RGL3: variants seen among roughly 807,000 people sequenced by gnomAD.
RGL3 encodes the protein ral guanine nucleotide dissociation stimulator like 3.
In RGL3, 85 loss-of-function variants were observed where a neutral mutation model predicts 90.6. That is an observed-to-expected ratio of 0.94 (90% CI 0.79 to 1.12). The LOEUF (loss-of-function observed/expected upper bound fraction) is 1.12. Among genes scored for constraint, RGL3 ranks in the 50% most tolerant of loss-of-function variants. The pLI, the probability that RGL3 is intolerant of heterozygous loss-of-function variation, is 0.00. For missense variants in RGL3, 1,034 were observed against 939.2 expected, an observed-to-expected ratio of 1.10 and a Z score of -1.32; for synonymous variants, 408 against 385.5, an observed-to-expected ratio of 1.06 and a Z score of -0.68.
chr19:11,413,400 T>G (rs1968905086), intron 5 of RGL3, among the ~76,000 whole-genome samples: 1 of 151,586 alleles, frequency 6.6e-6, no homozygotes. Flanking sequence ...CTGGGTGTGG[T>G]GGCAGGTGCC....
chr19:11,400,024 C>G lies in RGL3; in HGVS notation c.1649+16G>C, dbSNP rs765170967. ...ATCCCATGATCCCCAGTCCCATCAC[C>G]AAGCAGAATGCTCACCTGGAGGTGG... On this transcript the variant is annotated intron_variant, in intron 15 of 18. Transcript: ENST00000380456. The G allele has an allele frequency of 4.3e-5, 69 of 1,602,844 alleles. No individual in the cohort carries two copies. The highest frequency in any genetic ancestry group is 5.5e-5 in the Non-Finnish European group (65 of 1,176,484).
Position 11,406,494 on chromosome 19 carries a change from AC to A in RGL3, c.920del (p.Gly307ValfsTer59). On this transcript the variant is annotated frameshift_variant, in exon 7 of 19. Transcript: ENST00000380456. LOFTEE classifies it high-confidence loss of function. The stretch of plus-strand genomic sequence containing the variant: ...CCAAGCCCGGTGCTCCGAGCACGGA[AC>A]CCAGCACACAGCCGGTCACGGTGTT... ...QFNTVTGCVLGSVLGAPGLAA... is the reference protein window; with the variant it reads ...QFNTVTGCVLXSVLGAPGLAA... 1 of 1,555,302 alleles carries A rather than the reference AC, an allele frequency of 6.4e-7. No individual in the cohort carries two copies. The highest frequency in any genetic ancestry group is 8.7e-7 in the Non-Finnish European group (1 of 1,152,276).
chr19:11,416,198 G>T, intron 4 of RGL3, 50 bp from the exon 5 acceptor site: 312 of 1,011,582 alleles, frequency 3.1e-4, no homozygotes, highest in Non-Finnish European at 4.1e-4. Context: ...GGGGGACATA[G>T]AATATGACTC....
chr19:11,401,370 C>T (rs541522538), intron 13 of RGL3, among the ~76,000 whole-genome samples: 2 of 151,216 alleles, frequency 1.3e-5, no homozygotes, highest in Admixed American at 6.6e-5. Flanking sequence ...TTGGGACCAA[C>T]GGCACTCAAC....
intron 2 of RGL3, among the ~76,000 whole-genome samples, chr19:11,417,980 A>C (rs1490863370): frequency 6.6e-6 from 1 of 152,050 alleles, no homozygotes; most frequent in Non-Finnish European, 1.5e-5. Flanking sequence ...GGGCATCATC[A>C]CGCACAGCTA....
chr19:11,400,236 G>A lies in RGL3; in HGVS notation c.1546C>T (p.Arg516Ter), dbSNP rs753736757. Residue 516 changes from arginine to a stop codon, truncating the protein, a stop_gained, in exon 14 of 19, where the codon CGA becomes TGA. Coordinates refer to ENST00000380456, the MANE Select transcript of RGL3 (RefSeq NM_001035223.4). LOFTEE classifies it high-confidence loss of function. ...AASCPSSPRI[R>*]RRISLTKRLS... is the part of the protein sequence containing the mutation. ...CGCTTGGTGAGGCTGATCCGCCGTC[G>A]GATGCGTGGGGAGCTGGGGCAGGAG... 3.1e-5 allele frequency: 50 copies of A among 1,598,246 alleles called. No homozygotes were observed. Among genetic ancestry groups the A allele is most frequent in the African/African-American group, 4.0e-5 (3 of 74,340 alleles).
chr19:11,408,442 C>T (rs1968819132), intron 5 of RGL3, among the ~76,000 whole-genome samples: 5 of 152,064 alleles, frequency 3.3e-5, no homozygotes, highest in Non-Finnish European at 4.4e-5. Flanking sequence ...AAAAATTAGC[C>T]GGGCGTGATG....
chr19:11,406,350 C>T (rs760041514), intron 7 of RGL3, 69 bp downstream of exon 7: 3 of 1,421,974 alleles, frequency 2.1e-6, no homozygotes, highest in South Asian at 1.3e-5. Context: ...TATCTCTCTC[C>T]GGAGCCCTCA....
rs1467565352 is a variant in RGL3 at position 11,394,519 on chromosome 19, C to T, written c.2016G>A (p.Val672=). Reference sequence around the variant, plus strand: ...CGTTGGCATTGTCAGGAATCAGGAGCACTGGTCAGGAGTGGAGATGGTGGT... The same window carrying T: ...CGTTGGCATTGTCAGGAATCAGGAGTACTGGTCAGGAGTGGAGATGGTGGT... The part of the protein sequence containing the change: ...QLFQVLPGDR[V]LLIPDNANVF... The change falls in exon 19 of 19, where the codon GTG becomes GTA. Residue 672 remains valine (V), a splice_region_variant and synonymous_variant. Transcript: ENST00000380456. 6.2e-7 allele frequency: 1 copy of T among 1,611,486 alleles called. No homozygotes were observed. Among genetic ancestry groups the T allele is most frequent in the East Asian group, 2.2e-5 (1 of 44,846 alleles).
intron 5 of RGL3, among the ~76,000 whole-genome samples, chr19:11,413,483 C>T (rs936664274): frequency 2.9e-5 from 4 of 140,150 alleles, no homozygotes; most frequent in East Asian, 2.2e-4. Context: ...TGCAGTGTGC[C>T]GAGATGGCGC....
At chr19:11,415,632 C>T (rs941627504) in intron 5 of RGL3, among the ~76,000 whole-genome samples, 2 of 152,076 alleles carry the variant, frequency 1.3e-5, no homozygotes, top group Non-Finnish European at 2.9e-5. Flanking sequence ...TGCCCCACCA[C>T]GCCCGGCTAA....
At chr19:11,401,662 A>G (rs997082670) in intron 13 of RGL3, among the ~76,000 whole-genome samples, 30 of 151,818 alleles carry the variant, frequency 2.0e-4, no homozygotes, top group Admixed American at 2.0e-4. Context: ...CGGCCTCCCA[A>G]AGTGCTGGGA....
At chr19:11,414,484 C>CCTTCATATATATACATATATATAT (rs1968949069) in intron 5 of RGL3, among the ~76,000 whole-genome samples, 1 of 42,208 alleles carries the variant, frequency 2.4e-5, no homozygotes, top group African/African-American at 1.3e-4. Flanking sequence ...TATATATATA[C>CCTTCATATATATACATATATATAT]ACCTTCATAT....
chr19:11,407,656 T>C (rs1445675946), intron 5 of RGL3, among the ~76,000 whole-genome samples: 1 of 151,626 alleles, frequency 6.6e-6, no homozygotes, highest in Admixed American at 6.6e-5. Context: ...ACTAGCTTGC[T>C]GTGTAGAGCA....
chr19:11,404,802 ACTTT>A (rs1968739807), intron 9 of RGL3, among the ~76,000 whole-genome samples: 1 of 152,170 alleles, frequency 6.6e-6, no homozygotes, highest in South Asian at 2.1e-4. Flanking sequence ...AATAAGCCAG[ACTTT>A]TGACACACAT....
chr19:11,401,191 G>C (rs1968668825), intron 13 of RGL3, among the ~76,000 whole-genome samples: 1 of 151,414 alleles, frequency 6.6e-6, no homozygotes, highest in Admixed American at 6.6e-5. Flanking sequence ...AAAATCAGAT[G>C]GGGTTGAAAT....
intron 7 of RGL3, 113 bp from the exon 8 acceptor site, chr19:11,405,539 T>TC: frequency 1.2e-6 from 1 of 815,896 alleles, no homozygotes; most frequent in Non-Finnish European, 1.8e-6. Context: ...TTTTTTTTTT[T>TC]GAGAGATAGG....
chr19:11,397,234 C>T lies in RGL3; in HGVS notation c.2014+10G>A, dbSNP rs542485233. 19 of 1,611,544 alleles carry T rather than the reference C, an allele frequency of 1.2e-5. No individual in the cohort carries two copies. The South Asian group carries it at 1.8e-4, about 15-fold the overall frequency. Reference sequence around the variant, plus strand: ...CCCCCTATCCTGAGCTCCAACCCATCCCTGCTCACCCCGGTCCCCAGGAAG... The same window carrying T: ...CCCCCTATCCTGAGCTCCAACCCATTCCTGCTCACCCCGGTCCCCAGGAAG... On this transcript the variant is annotated intron_variant, in intron 18 of 18. Transcript: ENST00000380456.
intron 5 of RGL3, among the ~76,000 whole-genome samples, chr19:11,414,196 T>TA: frequency 6.0e-5 from 5 of 82,812 alleles, no homozygotes; most frequent in African/African-American, 2.4e-4. Flanking sequence ...TATATATACC[T>TA]TTATATATAT....
Sources: allele counts gnomAD v4.1 joint callset (sites outside exome capture counted in the v4.1 genomes callset), GRCh38; gene constraint gnomAD v4.1.1; transcripts MANE v1.5; gene names NCBI Gene and HGNC (gene_info 2026-07-23, HGNC 2026-07-21).